The following GLI3 variants were observed in gnomAD, a reference collection of about 807,000 sequenced individuals.
The protein encoded by GLI3 is GLI family zinc finger 3, also known as transcription activator GLI3.
GLI3 carries 20 observed loss-of-function variants against 100.8 expected under a neutral mutation model. The ratio of observed to expected loss-of-function variants is 0.20; its 90% CI spans 0.14 to 0.29. The LOEUF (loss-of-function observed/expected upper bound fraction) is 0.29, where lower values mean the gene tolerates loss of function less well. GLI3 is among the 10% of genes least tolerant of loss of function. GLI3 has a pLI of 1.00. For synonymous variants in GLI3, 938 were observed against 860.5 expected (o/e 1.09, Z -1.58); for missense variants, 2,040 against 2,128.5 (o/e 0.96, Z 0.82).
intron 10 of GLI3, among the ~76,000 whole-genome samples, chr7:41,991,358 G>T (rs1249972614): frequency 6.6e-6 from 1 of 152,020 alleles, no homozygotes; most frequent in Admixed American, 6.5e-5. Flanking sequence ...CCTCCGCTTC[G>T]GCATGCTTTT....
chr7:42,084,930 T>TTTTTTTTTTTTTTTTTTTTTTTTTTTC (rs1785071558), intron 3 of GLI3, among the ~76,000 whole-genome samples: 1 of 104,122 alleles, frequency 9.6e-6, no homozygotes, highest in African/African-American at 4.1e-5. Context: ...TTTTTTTTTT[T>TTTTTTTTTTTTTTTTTTTTTTTTTTTC]AGATTGAGTC....
intron 1 of GLI3, among the ~76,000 whole-genome samples, chr7:42,251,726 A>G (rs1789034281): frequency 6.6e-6 from 1 of 152,148 alleles, no homozygotes; most frequent in South Asian, 2.1e-4. Context: ...CTTTTACATG[A>G]TGGAACAGAG....
chr7:42,139,250 A>G (rs1484479323), intron 3 of GLI3, among the ~76,000 whole-genome samples: 2 of 152,244 alleles, frequency 1.3e-5, no homozygotes, highest in Non-Finnish European at 2.9e-5. Flanking sequence ...TTCTTTAGGA[A>G]CGAAGCCACA....
At chr7:42,110,533 C>T (rs1281423695) in intron 3 of GLI3, among the ~76,000 whole-genome samples, 1 of 152,092 alleles carries the variant, frequency 6.6e-6, no homozygotes, top group South Asian at 2.1e-4. Flanking sequence ...GACAAGCCCA[C>T]GGTGTGAAGA....
rs1321019873 is a variant in GLI3, at chr7:42,182,799, G to A, written c.125-34331C>T. Reference sequence around the variant, plus strand: ...CCAAACAAATTGCTTTTGGCCAGGCGTGATGGCTCATGCCTGTAATCCCAG... The same window carrying A: ...CCAAACAAATTGCTTTTGGCCAGGCATGATGGCTCATGCCTGTAATCCCAG... On this transcript the variant is annotated intron_variant, in intron 2 of 14. Transcript: ENST00000395925. Among the ~76,000 whole-genome samples, 4 of 150,758 alleles carry A rather than the reference G, an allele frequency of 2.7e-5. No individual in the cohort carries two copies. In the Middle Eastern group the frequency reaches 0.01, roughly 387 times the overall value.
intron 4 of GLI3, among the ~76,000 whole-genome samples, chr7:42,060,401 T>G (rs930712959): frequency 1.3e-5 from 2 of 152,182 alleles, no homozygotes; most frequent in Non-Finnish European, 2.9e-5. Flanking sequence ...ACAGATAGAT[T>G]AAGCGATTTG....
chr7:42,129,766 C>T (rs1368673655), intron 3 of GLI3, among the ~76,000 whole-genome samples: 2 of 151,976 alleles, frequency 1.3e-5, no homozygotes, highest in African/African-American at 4.8e-5. Context: ...GCCGAGATCG[C>T]GCCACTGCAC....
chr7:42,070,749 C>G (rs1406911565), intron 4 of GLI3, among the ~76,000 whole-genome samples: 1 of 151,888 alleles, frequency 6.6e-6, no homozygotes, highest in South Asian at 2.1e-4. Context: ...TTGCCCTTAT[C>G]TTTGATATTG....
chr7:42,030,037 C>G (rs1427484688), intron 7 of GLI3, among the ~76,000 whole-genome samples: 1 of 152,192 alleles, frequency 6.6e-6, no homozygotes, highest in East Asian at 1.9e-4. Context: ...CTTAAAAAAA[C>G]AGACACTGTT....
At chr7:42,165,383 A>G (rs576355511) in intron 2 of GLI3, among the ~76,000 whole-genome samples, 1 of 152,352 alleles carries the variant, frequency 6.6e-6, no homozygotes, top group Non-Finnish European at 1.5e-5. Flanking sequence ...GAGTTCAAAT[A>G]ATATGCAAAA....
intron 5 of GLI3, among the ~76,000 whole-genome samples, chr7:42,047,460 A>G (rs1784267354): frequency 6.6e-6 from 1 of 152,232 alleles, no homozygotes; most frequent in Non-Finnish European, 1.5e-5. Context: ...GATGTGGAAC[A>G]GGCAGTGGTG....
At chr7:42,021,419 T>C (rs1363494584) in intron 10 of GLI3, among the ~76,000 whole-genome samples, 1 of 152,184 alleles carries the variant, frequency 6.6e-6, no homozygotes. Flanking sequence ...TAGTTGGTAG[T>C]TTTAAGCAGC....
At chr7:42,139,666 C>T (rs765287879) in intron 3 of GLI3, among the ~76,000 whole-genome samples, 8 of 152,068 alleles carry the variant, frequency 5.3e-5, no homozygotes, top group African/African-American at 9.7e-5. Context: ...GCAACAAGAG[C>T]GAAACTCCAT....
At chr7:41,991,620 G>A (rs750057376) in intron 10 of GLI3, among the ~76,000 whole-genome samples, 2 of 152,168 alleles carry the variant, frequency 1.3e-5, no homozygotes, top group Non-Finnish European at 2.9e-5. Flanking sequence ...TAGGCTATAG[G>A]GATTCATTCA....
chr7:42,179,388 A>G (rs978411184), intron 2 of GLI3, among the ~76,000 whole-genome samples: 55 of 152,184 alleles, frequency 3.6e-4, no homozygotes, highest in African/African-American at 1.2e-3. Context: ...AGGTAACGGG[A>G]GGGACAGAGT....
chr7:42,146,491 C>T (rs1786712582), intron 3 of GLI3, among the ~76,000 whole-genome samples: 1 of 152,168 alleles, frequency 6.6e-6, no homozygotes, highest in South Asian at 2.1e-4. Context: ...GTTATCTGCT[C>T]ACTACTGTCA....
intron 1 of GLI3, among the ~76,000 whole-genome samples, chr7:42,234,494 TAACTC>T (rs1195371646): frequency 6.6e-6 from 1 of 152,226 alleles, no homozygotes; most frequent in African/African-American, 2.4e-5. Context: ...ATTAATGAAA[TAACTC>T]TACAGAGCCA....
rs1562654661 is a variant in GLI3, at chr7:41,961,233, A to G, written c.*3097T>C. On this transcript the variant is annotated 3_prime_UTR_variant, in exon 15 of 15. Transcript: ENST00000395925. ...TTTTAAAAAAATCTAAAAAAGGTGA[A>G]AAAAATGAACTTGTATTTTATTTTA... is the stretch of plus-strand genomic sequence containing the variant. 1.3e-5 allele frequency: 2 copies of G among 152,652 alleles called. No homozygotes were observed. The highest frequency in any genetic ancestry group is 6.5e-5 in the Admixed American group (1 of 15,288). The allele number at this position is 152,652 out of a possible 1,614,324, so 9.5% of individuals were successfully genotyped here. A position where few individuals can be genotyped will look rare whatever the true frequency, so the allele number is the denominator to read the frequency against.
chr7:42,065,891 A>G (rs1220531550), intron 4 of GLI3, among the ~76,000 whole-genome samples: 3 of 152,172 alleles, frequency 2.0e-5, no homozygotes, highest in Non-Finnish European at 4.4e-5. Context: ...TCGAGTAGCC[A>G]TGTTATTAAA....
Sources: gnomAD v4.1 joint callset for allele counts (sites outside exome capture counted in the v4.1 genomes callset) on GRCh38, gnomAD v4.1.1 for gene constraint, MANE v1.5 for transcripts, NCBI Gene and HGNC (gene_info 2026-07-23, HGNC 2026-07-21) for gene names.